Variants in MTMR3 observed in about 807,000 individuals in gnomAD.
MTMR3 encodes phosphatidylinositol-3,5-bisphosphate 3-phosphatase MTMR3.
In MTMR3, 32 loss-of-function variants were observed where a neutral mutation model predicts 132.4. That is an observed-to-expected ratio of 0.24 (90% CI 0.18 to 0.32). The LOEUF is 0.32. Among genes scored for constraint, MTMR3 ranks in the 10% least tolerant of loss-of-function variants. MTMR3 has a pLI of 1.00. For missense variants in MTMR3, 1,216 were observed against 1,489.6 expected (o/e 0.82, Z 3.02); for synonymous variants, 556 against 550.3 (o/e 1.01, Z -0.14).
chr22:29,897,187 C>T (rs1194524354), intron 1 of MTMR3, among the ~76,000 whole-genome samples: 1 of 151,496 alleles, frequency 6.6e-6, no homozygotes, highest in South Asian at 2.1e-4. Flanking sequence ...AAGCGATTCT[C>T]TACCTCAGCT....
intron 14 of MTMR3, 22 bp from the exon 15 acceptor site, chr22:30,016,506 G>T (rs769270562): frequency 1.2e-6 from 2 of 1,610,782 alleles, no homozygotes; most frequent in African/African-American, 1.3e-5. Context: ...TGCTTAATTT[G>T]TGCTTCATTG....
chr22:29,948,756 T>C (rs191694275), intron 1 of MTMR3, among the ~76,000 whole-genome samples: 19 of 151,368 alleles, frequency 1.3e-4, no homozygotes, highest in Non-Finnish European at 2.4e-4. Context: ...TTCAAAAAGA[T>C]ACTGATGTTT....
intron 8 of MTMR3, chr22:30,000,772 G>C (rs1449104797): frequency 2.6e-5 from 4 of 152,242 alleles, no homozygotes; most frequent in Admixed American, 2.6e-4. Flanking sequence ...TGCTGGATGA[G>C]GGGGCGGCCT....
At chr22:29,921,180 G>A (rs1602476888) in intron 1 of MTMR3, among the ~76,000 whole-genome samples, 1 of 152,224 alleles carries the variant, frequency 6.6e-6, no homozygotes, top group Admixed American at 6.5e-5. Flanking sequence ...CTTCTAGTGG[G>A]GCCTCAGGAA....
At chr22:29,931,627 C>G (rs1286306938) in intron 1 of MTMR3, among the ~76,000 whole-genome samples, 1 of 152,184 alleles carries the variant, frequency 6.6e-6, no homozygotes, top group Non-Finnish European at 1.5e-5. Flanking sequence ...ATTGACCAGG[C>G]TGTTCTTGAA....
At chr22:29,953,891 A>G (rs1000971465) in intron 1 of MTMR3, among the ~76,000 whole-genome samples, 3 of 152,130 alleles carry the variant, frequency 2.0e-5, no homozygotes, top group Non-Finnish European at 4.4e-5. Context: ...ACCACATTAC[A>G]TTCTGCTACC....
At chr22:29,988,297 A>G in intron 5 of MTMR3, 183 bp from the exon 6 acceptor site, 1 of 402,898 alleles carries the variant, frequency 2.5e-6, no homozygotes, top group South Asian at 4.8e-5. Context: ...ATTTAGAGAT[A>G]AAGGGAAGTC....
In MTMR3 at chr22:30,013,460, A is replaced by G; in HGVS notation, c.1422A>G (p.Pro474=). ...ENSDDLNERC[P]VFLQWLDCVH... is the part of the protein sequence containing the mutation. ...CGGATGATCTGAATGAACGTTGCCC[A>G]GTGTTTCTGCAGTGGCTTGACTGTG... The change falls in exon 14 of 20, where the codon CCA becomes CCG. Residue 474 remains proline (P), a synonymous_variant. Coordinates refer to ENST00000401950, the MANE Select transcript of MTMR3 (RefSeq NM_021090.4). 9.9e-6 allele frequency: 16 copies of G among 1,614,160 alleles called. No individual in the cohort carries two copies. Among genetic ancestry groups the G allele is most frequent in the Non-Finnish European group, 1.4e-5 (16 of 1,180,022 alleles).
At chr22:29,909,104 A>G (rs2065158139) in intron 1 of MTMR3, among the ~76,000 whole-genome samples, 1 of 151,490 alleles carries the variant, frequency 6.6e-6, no homozygotes, top group African/African-American at 2.4e-5. Context: ...CATCCTCCCA[A>G]TTTAGCCTCC....
At chr22:29,933,734 T>G (rs977885929) in intron 1 of MTMR3, among the ~76,000 whole-genome samples, 205 of 86,588 alleles carry the variant, frequency 2.4e-3, no homozygotes, top group African/African-American at 8.2e-3. Flanking sequence ...CAGTTCTGTG[T>G]TTTTTTTTTT....
intron 2 of MTMR3, among the ~76,000 whole-genome samples, chr22:29,963,862 A>G (rs753476418): frequency 1.1e-4 from 17 of 151,922 alleles, no homozygotes; most frequent in Non-Finnish European, 1.9e-4. Flanking sequence ...AAAAAGAGGA[A>G]TGAAGTACTA....
At chr22:29,987,075 A>G (rs1348620226) in intron 5 of MTMR3, 2 of 152,150 alleles carry the variant, frequency 1.3e-5, no homozygotes, top group Non-Finnish European at 2.9e-5. Flanking sequence ...CCCCAGTCCT[A>G]TTACATTTGT....
At chr22:29,972,436 C>G (rs1429504864) in intron 3 of MTMR3, among the ~76,000 whole-genome samples, 1 of 152,150 alleles carries the variant, frequency 6.6e-6, no homozygotes, top group African/African-American at 2.4e-5. Context: ...GGAGTTGATT[C>G]TGTGTGTACT....
Position 29,978,972 on chromosome 22 carries a change from T to A in MTMR3, c.130T>A (p.Phe44Ile). The A allele has an allele frequency of 3.7e-6, 6 of 1,613,778 alleles. No individual in the cohort carries two copies. Among genetic ancestry groups the A allele is most frequent in the Non-Finnish European group, 5.1e-6 (6 of 1,179,874 alleles). Residue 44 changes from phenylalanine (F) to isoleucine (I), a missense_variant, in exon 5 of 20, where the codon TTT (phenylalanine) becomes ATT (isoleucine). Coordinates refer to ENST00000401950, the MANE Select transcript of MTMR3 (RefSeq NM_021090.4). ...TGAACTTCATGGAGAGAGCACAGAG[T>A]TTGTGGGCCGTGCCGAGGATGCCAT... Reference protein sequence around the residue: ...FLELHGESTEFVGRAEDAIIA... With the variant: ...FLELHGESTEIVGRAEDAIIA...
chr22:29,896,724 A>G (rs998738378), intron 1 of MTMR3, among the ~76,000 whole-genome samples: 8 of 152,176 alleles, frequency 5.3e-5, no homozygotes, highest in Admixed American at 4.6e-4. Context: ...AAAATGATGT[A>G]TAACATAACC....
chr22:29,963,475 TGTCTCTCG>T (rs1431961239), intron 2 of MTMR3, among the ~76,000 whole-genome samples: 3 of 150,392 alleles, frequency 2.0e-5, no homozygotes, highest in Non-Finnish European at 4.4e-5. Flanking sequence ...CTGCAACCTC[TGTCTCTCG>T]GGTTCAAGTG....
intron 19 of MTMR3, 30 bp downstream of exon 19, chr22:30,022,727 CTG>C: frequency 1.3e-6 from 2 of 1,584,598 alleles, no homozygotes; most frequent in Non-Finnish European, 1.7e-6. Flanking sequence ...GTAGGGTGGG[CTG>C]TGTGTGGAGG....
chr22:29,982,935 G>GTTTTTTTTTTTTT (rs368961635), intron 5 of MTMR3: 1 of 131,216 alleles, frequency 7.6e-6, no homozygotes, highest in African/African-American at 3.0e-5. Context: ...TTAAAAGTTT[G>GTTTTTTTTTTTTT]TTTGTGTGTG....
intron 5 of MTMR3, chr22:29,982,935 G>GTTTTTTTTTT (rs368961635): frequency 1.5e-5 from 2 of 131,214 alleles, no homozygotes; most frequent in African/African-American, 5.9e-5. Flanking sequence ...TTAAAAGTTT[G>GTTTTTTTTTT]TTTGTGTGTG....
Sources: allele counts gnomAD v4.1 joint callset (sites outside exome capture counted in the v4.1 genomes callset), GRCh38; gene constraint gnomAD v4.1.1; transcripts MANE v1.5; gene names NCBI Gene and HGNC (gene_info 2026-07-23, HGNC 2026-07-21).